The following TMC1 variants were observed in gnomAD, a reference collection of about 807,000 sequenced individuals.
The protein encoded by TMC1 is transmembrane channel-like protein 1.
TMC1 carries 84 observed loss-of-function variants against 105.8 expected under a neutral mutation model. That is an observed-to-expected ratio of 0.79 (90% CI 0.67 to 0.95). The LOEUF (loss-of-function observed/expected upper bound fraction) is 0.95. Among genes scored for constraint, TMC1 ranks in the 40% least tolerant of loss-of-function variants. The probability of loss-of-function intolerance (pLI) is 0.00; values close to 1 mark genes in which losing one functional copy is unlikely to be tolerated. For synonymous variants in TMC1, 315 were observed against 311.5 expected, an observed-to-expected ratio of 1.01 and a Z score of -0.12; for missense variants, 817 against 914.1, an observed-to-expected ratio of 0.89 and a Z score of 1.37.
chr9:72,740,520 G>A (rs1588058942), intron 9 of TMC1, among the ~76,000 whole-genome samples: 1 of 152,004 alleles, frequency 6.6e-6, no homozygotes. Context: ...GAAGTGAAGG[G>A]GTTCTGGTCA....
chr9:72,696,869 GCA>G (rs1377459062), intron 7 of TMC1, among the ~76,000 whole-genome samples: 2 of 152,130 alleles, frequency 1.3e-5, no homozygotes, highest in East Asian at 3.8e-4. Context: ...AACCATTCTT[GCA>G]CAGATTAGCC....
chr9:72,813,442 C>A (rs140384512), intron 18 of TMC1, among the ~76,000 whole-genome samples: 66 of 152,168 alleles, frequency 4.3e-4, no homozygotes, highest in African/African-American at 1.6e-3. Flanking sequence ...AGAAGCAATT[C>A]TTTCATAACT....
intron 11 of TMC1, 119 bp from the exon 12 acceptor site, chr9:72,754,667 C>A (rs1423243837): frequency 1.3e-6 from 1 of 764,160 alleles, no homozygotes; most frequent in Non-Finnish European, 2.3e-6. Flanking sequence ...CACATGGAGA[C>A]CCAAAGAGTC....
rs369513686 is a variant in TMC1, at chr9:72,837,492, G to A, written c.*1519G>A. The A allele has an allele frequency of 1.3e-5, 2 of 152,108 alleles. No individual in the cohort carries two copies. The highest frequency in any genetic ancestry group is 4.8e-5 in the African/African-American group (2 of 41,410). The allele number at this position is 152,108 out of a possible 1,614,324, so 9.4% of individuals were successfully genotyped here. ...CTACCTACTCTAACAATCATATCCT[G>A]TAAGCTTGGATTCTAATGTTCTATA... On this transcript the variant is annotated 3_prime_UTR_variant, in exon 24 of 24. Transcript: ENST00000297784.
At chr9:72,690,379 G>A (rs1158667967) in intron 6 of TMC1, among the ~76,000 whole-genome samples, 1 of 151,924 alleles carries the variant, frequency 6.6e-6, no homozygotes, top group Non-Finnish European at 1.5e-5. Flanking sequence ...TGTCATTAAA[G>A]TATTATAGTA....
intron 8 of TMC1, among the ~76,000 whole-genome samples, chr9:72,705,604 A>G (rs1187988471): frequency 6.6e-6 from 1 of 152,222 alleles, no homozygotes; most frequent in African/African-American, 2.4e-5. Context: ...TGATTGGAAG[A>G]AAGAATGCTT....
rs546822582 is a variant in TMC1 at position 72,648,182 on chromosome 9, C to T, written c.-52-415C>T. On this transcript the variant is annotated intron_variant, in intron 4 of 23. Transcript: ENST00000297784. ...AGTGCAGGAGTATCTTCTTTACTAA[C>T]GCATTTAATTTACCAAGCACACTTA... 1.4e-4 allele frequency among the ~76,000 whole-genome samples: 21 copies of T among 152,246 alleles called. No individual in the cohort carries two copies. The South Asian group carries it at 3.7e-3, about 27-fold the overall frequency.
At chr9:72,569,120 A>G (rs571519449) in intron 1 of TMC1, among the ~76,000 whole-genome samples, 12 of 152,358 alleles carry the variant, frequency 7.9e-5, no homozygotes, top group Non-Finnish European at 1.6e-4. Context: ...AGTCTCTGAT[A>G]TAAAATGGTA....
chr9:72,625,222 C>T (rs1825324587), intron 3 of TMC1, among the ~76,000 whole-genome samples: 1 of 152,148 alleles, frequency 6.6e-6, no homozygotes, highest in Admixed American at 6.5e-5. Context: ...TAGTGTCCTT[C>T]CACCAAAGCC....
At chr9:72,745,397 T>C (rs1827472832) in intron 10 of TMC1, among the ~76,000 whole-genome samples, 1 of 152,194 alleles carries the variant, frequency 6.6e-6, no homozygotes, top group Non-Finnish European at 1.5e-5. Context: ...TTTTTCTTTT[T>C]AAATATGTTT....
At position 72,699,722 on chromosome 9, in the gene TMC1, C is replaced by T. The variant is rs12339513; in HGVS notation, c.237-796C>T. Among the ~76,000 whole-genome samples the T allele has an allele frequency of 1.9e-3, 293 of 151,930 alleles. 4 individuals carry two copies. Among genetic ancestry groups the T allele is most frequent in the African/African-American group, 6.7e-3 (276 of 41,428 alleles). ...CTGTAATCCCAGCACATTGGGAGGC[C>T]GGGGAGGGTGGATCACCTGAGGTCA... is the stretch of plus-strand genomic sequence containing the variant. On this transcript the variant is annotated intron_variant, in intron 7 of 23. Coordinates refer to ENST00000297784, the MANE Select transcript of TMC1 (RefSeq NM_138691.3).
chr9:72,735,428 A>G lies in TMC1; in HGVS notation c.363-4691A>G, dbSNP rs59778839. On this transcript the variant is annotated intron_variant, in intron 8 of 23. Coordinates refer to ENST00000297784, the MANE Select transcript of TMC1 (RefSeq NM_138691.3). ...ATGGATTAGCTGTAGAAAATCATAC[A>G]TGTAAAGATGTTTTCTTGCATCTTA... Among the ~76,000 whole-genome samples, 346 of 152,322 alleles carry G rather than the reference A, an allele frequency of 2.3e-3. 3 individuals are homozygous for G. Among genetic ancestry groups the G allele is most frequent in the African/African-American group, 8.0e-3 (333 of 41,568 alleles).
Position 72,754,832 on chromosome 9 carries a change from C to T in TMC1, c.689C>T (p.Pro230Leu). 6.2e-7 allele frequency: 1 copy of T among 1,614,100 alleles called. No homozygotes were observed. Among genetic ancestry groups the T allele is most frequent in the African/African-American group, 1.3e-5 (1 of 75,026 alleles). The change falls in exon 12 of 24, where the codon CCC (proline) becomes CTC (leucine). Residue 230 changes from proline (P) to leucine (L), a missense_variant. By Grantham distance (98) the Pro-to-Leu change is moderately conservative (BLOSUM62 -3). Coordinates refer to ENST00000297784, the MANE Select transcript of TMC1 (RefSeq NM_138691.3). ...GGCAGTTTACCTAGGAAAACCGTTC[C>T]CAGAGCCGAAGAGGCATCGGCAGCA... Reference protein sequence around the residue: ...PYGSLPRKTVPRAEEASAANF... With the variant: ...PYGSLPRKTVLRAEEASAANF...
chr9:72,642,689 T>A (rs1340602580), intron 4 of TMC1, among the ~76,000 whole-genome samples: 2 of 152,184 alleles, frequency 1.3e-5, no homozygotes, highest in Non-Finnish European at 2.9e-5. Context: ...CAGAGAAAAA[T>A]AACTACAGCC....
At chr9:72,745,007 T>C (rs889155726) in intron 10 of TMC1, among the ~76,000 whole-genome samples, 2 of 152,238 alleles carry the variant, frequency 1.3e-5, no homozygotes, top group Non-Finnish European at 2.9e-5. Flanking sequence ...AAAGCCACGC[T>C]GGAAAATTGA....
intron 19 of TMC1, among the ~76,000 whole-genome samples, chr9:72,818,339 C>T (rs1828820912): frequency 1.3e-5 from 2 of 152,104 alleles, no homozygotes; most frequent in African/African-American, 4.8e-5. Context: ...ATCCATTTTG[C>T]TATGATTTGG....
intron 1 of TMC1, among the ~76,000 whole-genome samples, chr9:72,545,617 A>G (rs953938435): frequency 2.6e-5 from 4 of 152,056 alleles, no homozygotes; most frequent in Admixed American, 2.6e-4. Context: ...CCTCCCGAGT[A>G]GCTGGGATTA....
At chr9:72,552,313 C>A (rs540049327) in intron 1 of TMC1, among the ~76,000 whole-genome samples, 1 of 152,236 alleles carries the variant, frequency 6.6e-6, no homozygotes, top group East Asian at 1.9e-4. Context: ...TTGTCTCTTC[C>A]CCCTGCTGTC....
intron 18 of TMC1, among the ~76,000 whole-genome samples, chr9:72,810,839 A>G (rs1428987610): frequency 6.6e-6 from 1 of 152,190 alleles, no homozygotes; most frequent in African/African-American, 2.4e-5. Flanking sequence ...ATGACATTTA[A>G]TTATATCCAT....
Sources: gnomAD v4.1 joint callset for allele counts (sites outside exome capture counted in the v4.1 genomes callset) on GRCh38, gnomAD v4.1.1 for gene constraint, MANE v1.5 for transcripts, NCBI Gene and HGNC (gene_info 2026-07-23, HGNC 2026-07-21) for gene names.